The following RANBP2 variants were observed in gnomAD, a reference collection of about 807,000 sequenced individuals.
RANBP2 encodes RAN binding protein 2.
In RANBP2, 57 loss-of-function variants were observed where a neutral mutation model predicts 303.6. That is an observed-to-expected ratio of 0.19 (90% CI 0.15 to 0.23). RANBP2 has a LOEUF of 0.23. Among genes scored for constraint, RANBP2 ranks in the 10% least tolerant of loss-of-function variants. The pLI, the probability that RANBP2 is intolerant of heterozygous loss-of-function variation, is 1.00. For missense variants in RANBP2, 3,138 were observed against 3,780.8 expected (o/e 0.83, Z 4.46); for synonymous variants, 1,167 against 1,301.5 (o/e 0.90, Z 2.23).
At chr2:109,527,535 G>C in the RANBP2 span, among the ~76,000 whole-genome samples, 2 of 152,142 alleles carry the variant, frequency 1.3e-5, no homozygotes, top group Admixed American at 1.3e-4. Context: ...GGGACCCTGG[G>C]CATGAGAACG....
chr2:109,297,066 G>A, the RANBP2 span, among the ~76,000 whole-genome samples: 1 of 152,068 alleles, frequency 6.6e-6, no homozygotes, highest in Non-Finnish European at 1.5e-5. Flanking sequence ...CTAGACTGCA[G>A]CTGTTGGTCC....
the RANBP2 span, among the ~76,000 whole-genome samples, chr2:109,314,223 C>G: frequency 6.6e-6 from 1 of 152,122 alleles, no homozygotes; most frequent in Non-Finnish European, 1.5e-5. Context: ...CCATGTGGGT[C>G]ATGTATATTT....
At chr2:109,058,560 C>T in the RANBP2 span, among the ~76,000 whole-genome samples, 1 of 152,208 alleles carries the variant, frequency 6.6e-6, no homozygotes, top group Non-Finnish European at 1.5e-5. Flanking sequence ...AAGATTTAGT[C>T]CCAAGCTCAT....
chr2:109,106,694 G>A, the RANBP2 span, among the ~76,000 whole-genome samples: 383 of 151,940 alleles, frequency 2.5e-3, 1 homozygote, highest in Middle Eastern at 6.8e-3. Flanking sequence ...AAAATTAGCC[G>A]GGCATGGTGG....
chr2:109,444,599 TTGA>T, the RANBP2 span, among the ~76,000 whole-genome samples: 1 of 152,084 alleles, frequency 6.6e-6, no homozygotes, highest in African/African-American at 2.4e-5. Flanking sequence ...GGTGCTGAGT[TTGA>T]GGATGGCTCT....
chr2:108,839,127 T>C, the RANBP2 span: 24 of 1,499,634 alleles, frequency 1.6e-5, no homozygotes, highest in African/African-American at 2.0e-4. Flanking sequence ...TGGTAATTGA[T>C]TTAAGACATT....
At chr2:108,728,166 A>G (rs1341772077) in intron 1 of RANBP2, among the ~76,000 whole-genome samples, 1 of 152,204 alleles carries the variant, frequency 6.6e-6, no homozygotes, top group Non-Finnish European at 1.5e-5. Context: ...TTTCCTCCCC[A>G]AAGAAAGCTG....
At chr2:109,285,863 A>G in the RANBP2 span, among the ~76,000 whole-genome samples, 1 of 151,350 alleles carries the variant, frequency 6.6e-6, no homozygotes, top group Admixed American at 6.6e-5. Flanking sequence ...AAGCCTGACC[A>G]CTCCCTTCCT....
chr2:109,066,536 A>G, the RANBP2 span, among the ~76,000 whole-genome samples: 1 of 152,066 alleles, frequency 6.6e-6, no homozygotes, highest in Non-Finnish European at 1.5e-5. Context: ...TCTAAACTCA[A>G]GTAGGAGTGA....
At chr2:109,248,852 T>A in the RANBP2 span, among the ~76,000 whole-genome samples, 1 of 129,292 alleles carries the variant, frequency 7.7e-6, no homozygotes, top group African/African-American at 3.9e-5. Flanking sequence ...TTCGTTTTCC[T>A]TTTTCCTTTC....
chr2:108,930,377 G>T, the RANBP2 span: 1 of 914,326 alleles, frequency 1.1e-6, no homozygotes, highest in Non-Finnish European at 1.7e-6. Flanking sequence ...CTGGGAAGGT[G>T]CCCGCTTGTG....
At chr2:108,920,974 C>A in the RANBP2 span, among the ~76,000 whole-genome samples, 1 of 152,112 alleles carries the variant, frequency 6.6e-6, no homozygotes, top group South Asian at 2.1e-4. Context: ...AGGCTCATAA[C>A]CTACCGTAGT....
At chr2:109,443,271 G>A in the RANBP2 span, among the ~76,000 whole-genome samples, 4 of 152,236 alleles carry the variant, frequency 2.6e-5, no homozygotes, top group Non-Finnish European at 5.9e-5. Context: ...ATTAACAGGT[G>A]CCAGAGCTGG....
chr2:109,222,624 G>A, the RANBP2 span, among the ~76,000 whole-genome samples: 1 of 152,218 alleles, frequency 6.6e-6, no homozygotes, highest in African/African-American at 2.4e-5. Context: ...ACTGGGCCTA[G>A]GAAGGGTGGT....
At chr2:109,346,027 G>A in the RANBP2 span, among the ~76,000 whole-genome samples, 1 of 152,200 alleles carries the variant, frequency 6.6e-6, no homozygotes, top group Non-Finnish European at 1.5e-5. Context: ...TTATTCTGAT[G>A]GCCTGCAGCC....
the RANBP2 span, among the ~76,000 whole-genome samples, chr2:109,566,712 G>C: frequency 1.3e-5 from 2 of 152,062 alleles, no homozygotes; most frequent in Admixed American, 6.6e-5. Flanking sequence ...ACATCAAGAA[G>C]AACAAGATTT....
the RANBP2 span, among the ~76,000 whole-genome samples, chr2:109,364,463 A>G: frequency 2.0e-5 from 3 of 152,176 alleles, no homozygotes; most frequent in Non-Finnish European, 4.4e-5. Context: ...TAGTTGCCAC[A>G]TCTCAATCTG....
chr2:109,298,468 T>G, the RANBP2 span, among the ~76,000 whole-genome samples: 3 of 151,968 alleles, frequency 2.0e-5, no homozygotes, highest in Non-Finnish European at 2.9e-5. Context: ...GGAAAAACCA[T>G]TTCTGAGCCC....
At chr2:109,385,488 A>G in the RANBP2 span, among the ~76,000 whole-genome samples, 1 of 152,228 alleles carries the variant, frequency 6.6e-6, no homozygotes, top group Admixed American at 6.5e-5. Context: ...TCTTGAAAAT[A>G]CAATTTGGAA....
Sources: allele counts gnomAD v4.1 joint callset (sites outside exome capture counted in the v4.1 genomes callset), GRCh38; gene constraint gnomAD v4.1.1; transcripts MANE v1.5; gene names NCBI Gene and HGNC (gene_info 2026-07-23, HGNC 2026-07-21).